FNDC3A: variants seen among roughly 807,000 people sequenced by gnomAD.
The protein encoded by FNDC3A is fibronectin type III domain containing 3A.
In FNDC3A, 32 loss-of-function variants were observed where a neutral mutation model predicts 148.9. The ratio of observed to expected loss-of-function variants is 0.21; its 90% CI spans 0.16 to 0.29. The LOEUF (loss-of-function observed/expected upper bound fraction) is 0.29, where lower values mean the gene tolerates loss of function less well. Ranked by LOEUF, FNDC3A falls within the 10% of genes least tolerant of loss-of-function variation. The pLI, the probability that FNDC3A is intolerant of heterozygous loss-of-function variation, is 1.00. For missense variants in FNDC3A, 1,191 were observed against 1,452.8 expected (o/e 0.82, Z 2.93); for synonymous variants, 472 against 473.6 (o/e 1.00, Z 0.04).
At chr13:49,131,872 T>C (rs1262180448) in intron 5 of FNDC3A, among the ~76,000 whole-genome samples, 1 of 152,220 alleles carries the variant, frequency 6.6e-6, no homozygotes, top group African/African-American at 2.4e-5. Context: ...AATAATACCT[T>C]ATTATGTCCC....
chr13:48,980,309 G>A (rs1051215703), intron 1 of FNDC3A, among the ~76,000 whole-genome samples: 2 of 152,144 alleles, frequency 1.3e-5, no homozygotes, highest in Admixed American at 6.5e-5. Context: ...TAAAAACCTT[G>A]TCTAGGATGC....
At chr13:49,069,403 C>A (rs1877493049) in intron 2 of FNDC3A, among the ~76,000 whole-genome samples, 1 of 152,120 alleles carries the variant, frequency 6.6e-6, no homozygotes, top group Non-Finnish European at 1.5e-5. Flanking sequence ...TACTATATTT[C>A]TCACCCTTCC....
intron 9 of FNDC3A, among the ~76,000 whole-genome samples, chr13:49,168,115 T>C (rs1039809026): frequency 2.6e-5 from 4 of 152,196 alleles, no homozygotes; most frequent in Non-Finnish European, 4.4e-5. Flanking sequence ...ACACATTTAG[T>C]TAATTACCCC....
intron 3 of FNDC3A, among the ~76,000 whole-genome samples, chr13:49,106,935 T>C (rs1880231091): frequency 6.6e-6 from 1 of 152,110 alleles, no homozygotes; most frequent in African/African-American, 2.4e-5. Context: ...AATCATAATA[T>C]TGTTTAGGGA....
intron 16 of FNDC3A, among the ~76,000 whole-genome samples, chr13:49,188,312 C>A (rs1229843341): frequency 6.6e-6 from 1 of 152,134 alleles, no homozygotes; most frequent in South Asian, 2.1e-4. Context: ...TATTTCACTT[C>A]CACAAAGCCA....
intron 8 of FNDC3A, among the ~76,000 whole-genome samples, chr13:49,153,150 TC>T (rs1378922794): frequency 6.6e-6 from 1 of 151,958 alleles, no homozygotes; most frequent in Admixed American, 6.5e-5. Context: ...GTAAAAGTGT[TC>T]CTATTTCTCC....
chr13:49,190,509 C>T (rs1263156962), intron 17 of FNDC3A, among the ~76,000 whole-genome samples: 1 of 152,094 alleles, frequency 6.6e-6, no homozygotes, highest in East Asian at 1.9e-4. Flanking sequence ...CATACCAAGA[C>T]CCCATCTCTA....
chr13:49,190,072 G>A (rs1885803657), intron 17 of FNDC3A, among the ~76,000 whole-genome samples: 1 of 152,046 alleles, frequency 6.6e-6, no homozygotes, highest in African/African-American at 2.4e-5. Context: ...ATTTTTAGTA[G>A]AGACTGGGTT....
At chr13:48,999,895 T>C (rs1018806820) in intron 1 of FNDC3A, among the ~76,000 whole-genome samples, 2 of 152,228 alleles carry the variant, frequency 1.3e-5, no homozygotes, top group African/African-American at 4.8e-5. Context: ...TTTGCCAGCA[T>C]CTGGATCTTA....
chr13:49,122,657 A>G (rs1430690189), intron 4 of FNDC3A, among the ~76,000 whole-genome samples: 2 of 152,200 alleles, frequency 1.3e-5, no homozygotes, highest in Non-Finnish European at 2.9e-5. Flanking sequence ...AAGTCTCAGG[A>G]TACAAAATCA....
intron 2 of FNDC3A, chr13:49,045,642 T>C (rs1330907068): frequency 2.4e-6 from 2 of 822,340 alleles, no homozygotes; most frequent in East Asian, 2.9e-5. Flanking sequence ...GATGCTCTTC[T>C]ACAATACATT....
rs181773046 is a variant in FNDC3A at position 49,172,352 on chromosome 13, C to T, written c.1230+256C>T. On this transcript the variant is annotated intron_variant, in intron 11 of 25. Transcript: ENST00000492622. ...AAAGGAACTTTTTTTTCACATCAGCCTTAAAGACAAGTGTATTCCTTTCCT... is the reference window on the plus strand; with the variant it reads ...AAAGGAACTTTTTTTTCACATCAGCTTTAAAGACAAGTGTATTCCTTTCCT... Among the ~76,000 whole-genome samples the T allele has an allele frequency of 9.6e-4, 146 of 152,160 alleles. 1 individual carries two copies. The highest frequency in any genetic ancestry group is 3.4e-3 in the African/African-American group (140 of 41,498).
At chr13:49,129,701 A>G (rs984935110) in intron 4 of FNDC3A, among the ~76,000 whole-genome samples, 1 of 152,202 alleles carries the variant, frequency 6.6e-6, no homozygotes, top group African/African-American at 2.4e-5. Context: ...ATTTTGCTGA[A>G]AACAAGGCAT....
chr13:49,161,100 A>G (rs1265714323), intron 8 of FNDC3A, among the ~76,000 whole-genome samples: 1 of 152,106 alleles, frequency 6.6e-6, no homozygotes, highest in East Asian at 1.9e-4. Context: ...TATTCTATTG[A>G]TTTGGGGTGG....
intron 4 of FNDC3A, among the ~76,000 whole-genome samples, chr13:49,123,363 A>T (rs1372439270): frequency 6.6e-6 from 1 of 152,178 alleles, no homozygotes; most frequent in African/African-American, 2.4e-5. Flanking sequence ...TGGATTAAAG[A>T]CTTAAATATA....
intron 2 of FNDC3A, among the ~76,000 whole-genome samples, chr13:49,064,117 C>T (rs764960284): frequency 3.3e-5 from 5 of 151,932 alleles, no homozygotes; most frequent in Non-Finnish European, 5.9e-5. Context: ...CCGAGGTGGG[C>T]AGATCACGAG....
At chr13:49,068,345 C>CA (rs1877407305) in intron 2 of FNDC3A, among the ~76,000 whole-genome samples, 1 of 151,806 alleles carries the variant, frequency 6.6e-6, no homozygotes, top group African/African-American at 2.4e-5. Context: ...GCCCAGGAAA[C>CA]AGAGTGAGAC....
Position 49,187,179 on chromosome 13 carries a change from A to T in FNDC3A, c.1814A>T (p.Glu605Val), listed in dbSNP as rs1345238173. 1 of 1,609,022 alleles carries T rather than the reference A, an allele frequency of 6.2e-7. No homozygotes were observed. The highest frequency in any genetic ancestry group is 1.7e-5 in the Admixed American group (1 of 59,886). ...TINKYVVEMA[E>V]GSNGNKWEMI... is the part of the protein sequence containing the mutation. ...AATAAATATGTAGTGGAGATGGCAG[A>T]AGGTTCTAACGGTATGAATGGATAT... The change falls in exon 16 of 26, where the codon GAA (glutamate) becomes GTA (valine). Residue 605 changes from glutamate to valine, a missense_variant. Transcript: ENST00000492622.
At chr13:49,056,930 T>C (rs1217645904) in intron 2 of FNDC3A, among the ~76,000 whole-genome samples, 1 of 152,242 alleles carries the variant, frequency 6.6e-6, no homozygotes, top group Non-Finnish European at 1.5e-5. Flanking sequence ...CAGTTTGTTT[T>C]GTCTTTTATT....
Sources: gnomAD v4.1 joint callset for allele counts (sites outside exome capture counted in the v4.1 genomes callset) on GRCh38, gnomAD v4.1.1 for gene constraint, MANE v1.5 for transcripts, NCBI Gene and HGNC (gene_info 2026-07-23, HGNC 2026-07-21) for gene names.